The following PACRGL variants were observed in gnomAD, a reference collection of about 807,000 sequenced individuals.
The protein encoded by PACRGL is parkin coregulated like.
PACRGL carries 38 observed loss-of-function variants against 34.5 expected under a neutral mutation model. The observed-to-expected ratio is 1.10, with a 90% confidence interval of 0.85 to 1.44. The LOEUF (loss-of-function observed/expected upper bound fraction) is 1.44. Among genes scored for constraint, PACRGL ranks in the 40% most tolerant of loss-of-function variants. The pLI, the probability that PACRGL is intolerant of heterozygous loss-of-function variation, is 0.00. For missense variants in PACRGL, 305 were observed against 281.4 expected, an observed-to-expected ratio of 1.08 and a Z score of -0.60; for synonymous variants, 128 against 100.1, an observed-to-expected ratio of 1.28 and a Z score of -1.66.
rs1221919315 is a variant in PACRGL, at chr4:20,728,765, T to TATC, written c.*1425_*1427dup. 5 of 152,544 alleles carry TATC rather than the reference T, an allele frequency of 3.3e-5. No individual in the cohort carries two copies. Among genetic ancestry groups the TATC allele is most frequent in the East Asian group, 1.9e-4 (1 of 5,186 alleles). 9.4% of individuals were successfully genotyped at this position (152,544 alleles called of 1,614,324 possible). On this transcript the variant is annotated 3_prime_UTR_variant, in exon 9 of 9. Transcript: ENST00000503585. ...GATAGCAGGGCAGCTTTCAACATCC[T>TATC]ATCTCTACACCAGAATAGATACCTG...
At chr4:20,733,966 T>C (rs1486657893), downstream of PACRGL, among the ~76,000 whole-genome samples, 1 of 152,122 alleles carries the variant, frequency 6.6e-6, no homozygotes, top group African/African-American at 2.4e-5. Context: ...GGCCTCTTGC[T>C]CAAAACTCAA....
rs1748200452 is a variant in PACRGL at position 20,731,513 on chromosome 4, A to C, written c.*4172A>C. The C allele has an allele frequency of 4.1e-6, 4 of 985,404 alleles. No individual in the cohort carries two copies. The highest frequency in any genetic ancestry group is 2.3e-4 in the East Asian group (2 of 8,818). 61.0% of individuals were successfully genotyped at this position (985,404 alleles called of 1,614,324 possible). On this transcript the variant is annotated 3_prime_UTR_variant, in exon 9 of 9. Transcript: ENST00000503585. ...TTCCACTGTTTATTTTTTGTGACTGAAGACCATTAGTGAGTTCAGTCAAAG... is the reference window on the plus strand; with the variant it reads ...TTCCACTGTTTATTTTTTGTGACTGCAGACCATTAGTGAGTTCAGTCAAAG...
chr4:20,732,268 A>G lies in PACRGL; in HGVS notation c.*4927A>G, dbSNP rs34741188. On this transcript the variant is annotated 3_prime_UTR_variant, in exon 9 of 9. Coordinates refer to ENST00000503585, the MANE Select transcript of PACRGL (RefSeq NM_001258345.3). ...AATGCTTCTGGCTTTTCCCTTTTCA[A>G]TATAATGTGGTGAAGATGTAGAGTC... Among the ~76,000 whole-genome samples, 4 of 152,042 alleles carry G rather than the reference A, an allele frequency of 2.6e-5. No individual in the cohort carries two copies. The highest frequency in any genetic ancestry group is 4.8e-5 in the African/African-American group (2 of 41,402).
upstream of PACRGL, among the ~76,000 whole-genome samples, chr4:20,700,004 G>A (rs538827302): frequency 6.6e-6 from 1 of 152,276 alleles, no homozygotes; most frequent in African/African-American, 2.4e-5. Flanking sequence ...AGATAGAACA[G>A]GAAACTACAA....
chr4:20,707,927 A>C (rs1735303421), intron 4 of PACRGL, 57 bp downstream of exon 4: 2 of 1,263,098 alleles, frequency 1.6e-6, no homozygotes, highest in African/African-American at 3.0e-5. Flanking sequence ...GAGTAAAATG[A>C]ATACAATATT....
At chr4:20,725,439 A>G (rs972760445) in intron 8 of PACRGL, among the ~76,000 whole-genome samples, 8 of 152,174 alleles carry the variant, frequency 5.3e-5, no homozygotes, top group Non-Finnish European at 8.8e-5. Flanking sequence ...TTCAAGGTAC[A>G]AAAATATGGA....
In PACRGL at chr4:20,727,922, G is replaced by A. The variant is rs1746440828; in HGVS notation, c.*581G>A. On this transcript the variant is annotated 3_prime_UTR_variant, in exon 9 of 9. Transcript: ENST00000503585. ...TTTCATCTCAGCCTCCTGATTAGCT[G>A]GGACTATAGGCGTGTGCCACCATGC... The A allele has an allele frequency of 1.3e-5, 2 of 152,632 alleles. No individual in the cohort carries two copies. The highest frequency in any genetic ancestry group is 4.8e-5 in the African/African-American group (2 of 41,428). 9.5% of individuals were successfully genotyped at this position (152,632 alleles called of 1,614,324 possible). A position where few individuals can be genotyped will look rare whatever the true frequency, so the allele number is the denominator to read the frequency against.
rs879864380 is a variant in PACRGL at position 20,706,581 on chromosome 4, C to CT, written c.208-1209dup. ...CATGGATTGAATTTTGGAAATGAAT[C>CT]TTTTTTTTTTTTTGAGACGGAATCT... On this transcript the variant is annotated intron_variant, in intron 3 of 8. Transcript: ENST00000503585. Among the ~76,000 whole-genome samples, 159 of 144,944 alleles carry CT rather than the reference C, an allele frequency of 1.1e-3. 1 individual carries two copies. Among genetic ancestry groups the CT allele is most frequent in the South Asian group, 3.9e-3 (18 of 4,574 alleles).
chr4:20,729,625 G>GA lies in PACRGL; in HGVS notation c.*2284_*2285insA. 1 of 133,380 alleles carries GA rather than the reference G, an allele frequency of 7.5e-6. No individual in the cohort carries two copies. Among genetic ancestry groups the GA allele is most frequent in the African/African-American group, 3.0e-5 (1 of 33,674 alleles). The allele number at this position is 133,380 out of a possible 1,614,324, so 8.3% of individuals were successfully genotyped here. A position where few individuals can be genotyped will look rare whatever the true frequency, so the allele number is the denominator to read the frequency against. ...TAAAGTATATAAATGGAATTTAAAT[G>GA]GAATTACAGCATTCAAACATGAAAA... On this transcript the variant is annotated 3_prime_UTR_variant, in exon 9 of 9. Coordinates refer to ENST00000503585, the MANE Select transcript of PACRGL (RefSeq NM_001258345.3).
intron 8 of PACRGL, among the ~76,000 whole-genome samples, chr4:20,746,366 A>G (rs1254939019): frequency 6.6e-6 from 1 of 150,940 alleles, no homozygotes; most frequent in Non-Finnish European, 1.5e-5. Context: ...ACACCAGGGC[A>G]TGTCGGAGGG....
the PACRGL span, among the ~76,000 whole-genome samples, chr4:20,762,081 A>G: frequency 1.3e-5 from 2 of 152,194 alleles, no homozygotes; most frequent in Non-Finnish European, 2.9e-5. Context: ...CTTATAAACA[A>G]TAGAAATTTA....
Position 20,731,976 on chromosome 4 carries a change from A to G in PACRGL, c.*4635A>G. 1 of 1,612,190 alleles carries G rather than the reference A, an allele frequency of 6.2e-7. No homozygotes were observed. ...TCAGTTTAGCTGTTATGATAGCTGAATTGATAGTTATTACACTTTCATTAC... is the reference window on the plus strand; with the variant it reads ...TCAGTTTAGCTGTTATGATAGCTGAGTTGATAGTTATTACACTTTCATTAC... On this transcript the variant is annotated 3_prime_UTR_variant, in exon 9 of 9. Transcript: ENST00000503585.
At position 20,731,854 on chromosome 4, in the gene PACRGL, T is replaced by A. The variant is rs919769190; in HGVS notation, c.*4513T>A. ...TTGATTATGTAATTGGTGCTTGTTT[T>A]CAGAGTGGTAGGCTTATGCTGCATG... is the stretch of plus-strand genomic sequence containing the variant. On this transcript the variant is annotated 3_prime_UTR_variant, in exon 9 of 9. Transcript: ENST00000503585. 3 of 1,407,460 alleles carry A rather than the reference T, an allele frequency of 2.1e-6. No individual in the cohort carries two copies. The highest frequency in any genetic ancestry group is 2.8e-6 in the Non-Finnish European group (3 of 1,080,470). 87.2% of individuals were successfully genotyped at this position (1,407,460 alleles called of 1,614,324 possible).
rs116068159 is a variant in PACRGL at position 20,716,180 on chromosome 4, C to T, written c.609+2641C>T. 8.0e-4 allele frequency: 962 copies of T among 1,204,390 alleles called. 7 individuals are homozygous for T. In the African/African-American group the frequency reaches 0.013, roughly 16 times the overall value. 74.6% of individuals were successfully genotyped at this position (1,204,390 alleles called of 1,614,324 possible). ...ATTTGCCAGAAGGATCCATGGAACT[C>T]AGGAAAGCTGTTACTGGCTGTTATG... On this transcript the variant is annotated intron_variant, in intron 7 of 8. Transcript: ENST00000503585.
chr4:20,756,609 G>A (rs1209004052), downstream of PACRGL, among the ~76,000 whole-genome samples: 1 of 151,490 alleles, frequency 6.6e-6, no homozygotes, highest in Non-Finnish European at 1.5e-5. Flanking sequence ...TCTTCTCATC[G>A]TCCTTTTCAC....
chr4:20,717,344 A>C lies in PACRGL; in HGVS notation c.609+3805A>C, dbSNP rs1299101394. On this transcript the variant is annotated intron_variant, in intron 7 of 8. Coordinates refer to ENST00000503585, the MANE Select transcript of PACRGL (RefSeq NM_001258345.3). ...CAGAAGCTCTTTAGTTTAATTAGAC[A>C]CCAGTTGTCAATTTTGGCTTTTGTT... is the stretch of plus-strand genomic sequence containing the variant. Among the ~76,000 whole-genome samples the C allele has an allele frequency of 2.0e-5, 3 of 152,104 alleles. No individual in the cohort carries two copies. The South Asian group carries it at 6.2e-4, about 32-fold the overall frequency.
downstream of PACRGL, among the ~76,000 whole-genome samples, chr4:20,753,856 G>A (rs546333865): frequency 1.3e-5 from 2 of 152,140 alleles, no homozygotes; most frequent in South Asian, 2.1e-4. Flanking sequence ...TGCATACAGC[G>A]GCTGCTTAAA....
chr4:20,709,408 T>C (rs10024002), intron 4 of PACRGL, among the ~76,000 whole-genome samples: 49,364 of 152,078 alleles, frequency 0.32, 8,474 homozygotes, highest in African/African-American at 0.43. Context: ...CTGAAAGATA[T>C]CACCTGGCAT....
At chr4:20,750,035 A>G (rs1465977584) in intron 8 of PACRGL, among the ~76,000 whole-genome samples, 1 of 152,190 alleles carries the variant, frequency 6.6e-6, no homozygotes, top group African/African-American at 2.4e-5. Context: ...GTGGATGTGA[A>G]GATTGAGACT....
Sources: allele counts gnomAD v4.1 joint callset (sites outside exome capture counted in the v4.1 genomes callset), GRCh38; gene constraint gnomAD v4.1.1; transcripts MANE v1.5; gene names NCBI Gene and HGNC (gene_info 2026-07-23, HGNC 2026-07-21).